Variants in TMEM41A observed in about 807,000 individuals in gnomAD.
TMEM41A encodes the protein transmembrane protein 41A.
In TMEM41A, 20 loss-of-function variants were observed where a neutral mutation model predicts 25.7. The ratio of observed to expected loss-of-function variants is 0.78; its 90% CI spans 0.55 to 1.13. The LOEUF is 1.13. TMEM41A is among the 50% of genes most tolerant of loss of function. The probability of loss-of-function intolerance (pLI) is 0.00; values close to 1 mark genes in which losing one functional copy is unlikely to be tolerated. For synonymous variants in TMEM41A, 133 were observed against 139.6 expected (o/e 0.95, Z 0.33); for missense variants, 299 against 314.3 (o/e 0.95, Z 0.37).
At chr3:185,497,565 C>T (rs1719140064) in intron 1 of TMEM41A, among the ~76,000 whole-genome samples, 1 of 152,200 alleles carries the variant, frequency 6.6e-6, no homozygotes, top group Non-Finnish European at 1.5e-5. Flanking sequence ...AGGCTTGAAT[C>T]GAACCCTTTC....
chr3:185,498,041 G>C (rs1463507584), intron 1 of TMEM41A, among the ~76,000 whole-genome samples: 1 of 151,924 alleles, frequency 6.6e-6, no homozygotes, highest in Non-Finnish European at 1.5e-5. Flanking sequence ...CGGATTACCT[G>C]AGGTCAGGAG....
Position 185,495,261 on chromosome 3 carries a change from C to T in TMEM41A, c.328G>A (p.Val110Met), listed in dbSNP as rs1313244879. The T allele has an allele frequency of 2.5e-6, 4 of 1,613,840 alleles. No homozygotes were observed. Among genetic ancestry groups the T allele is most frequent in the Non-Finnish European group, 3.4e-6 (4 of 1,180,016 alleles). Residue 110 changes from valine (V) to methionine (M), a missense_variant, in exon 3 of 5, where the codon GTG becomes ATG. Physicochemically the swap from Val to Met is conservative, Grantham distance 21 (BLOSUM62 1). Transcript: ENST00000421852. ...GPWLGLLLCC[V>M]LTSVGATCCY... is the part of the protein sequence containing the mutation. ...CATGTGGCACCCACCGAGGTCAACA[C>T]ACAGCACAGCAGAAGCCCCAGCCAT...
At chr3:185,494,825 T>C in intron 3 of TMEM41A, 64 bp from the exon 4 acceptor site, 2 of 1,519,570 alleles carry the variant, frequency 1.3e-6, no homozygotes, top group East Asian at 2.3e-5. Context: ...GAAAACCTGC[T>C]GGTGCCAGGC....
At chr3:185,498,636 C>T in intron 1 of TMEM41A, 1 of 542,700 alleles carries the variant, frequency 1.8e-6, no homozygotes, top group South Asian at 2.3e-5. Flanking sequence ...CCCAGTCAGG[C>T]CCGGAGCCGG....
At position 185,497,077 on chromosome 3, in the gene TMEM41A, A is replaced by T. The variant is rs1030808682; in HGVS notation, c.120-96T>A. Reference sequence around the variant, plus strand: ...TGTCTTCTTTTCAGAGTAGGTTTATAAATATGCCCATCATCTGATCTGCTG... The same window carrying T: ...TGTCTTCTTTTCAGAGTAGGTTTATTAATATGCCCATCATCTGATCTGCTG... On this transcript the variant is annotated intron_variant, in intron 1 of 4. Transcript: ENST00000421852. 35 of 1,412,006 alleles carry T rather than the reference A, an allele frequency of 2.5e-5. No homozygotes were observed. In the African/African-American group the frequency reaches 4.9e-4, roughly 20 times the overall value. 87.5% of individuals were successfully genotyped at this position (1,412,006 alleles called of 1,614,324 possible). A position where few individuals can be genotyped will look rare whatever the true frequency, so the allele number is the denominator to read the frequency against.
chr3:185,498,974 C>G lies in TMEM41A; in HGVS notation c.-13G>C. The G allele has an allele frequency of 6.3e-7, 1 of 1,586,434 alleles. No individual in the cohort carries two copies. Among genetic ancestry groups the G allele is most frequent in the Non-Finnish European group, 8.6e-7 (1 of 1,166,988 alleles). ...GAAGCGGGCGCATGTCGGCTCCGCA[C>G]CCCGGCCCGCGGGGCAGCCGAGAAG... On this transcript the variant is annotated 5_prime_UTR_variant, in exon 1 of 5. Transcript: ENST00000421852.
In TMEM41A at chr3:185,491,345, G is replaced by A; in HGVS notation, c.*192C>T. ...TCTGTTGCAGTGTCTGCTACACCAGGGCTGGTTTGAAAACCTGATGTAATA... is the reference window on the plus strand; with the variant it reads ...TCTGTTGCAGTGTCTGCTACACCAGAGCTGGTTTGAAAACCTGATGTAATA... On this transcript the variant is annotated 3_prime_UTR_variant, in exon 5 of 5. Coordinates refer to ENST00000421852, the MANE Select transcript of TMEM41A (RefSeq NM_080652.4). The A allele has an allele frequency of 3.7e-6, 2 of 542,570 alleles. No individual in the cohort carries two copies. The highest frequency in any genetic ancestry group is 2.2e-5 in the South Asian group (1 of 46,442). 33.6% of individuals were successfully genotyped at this position (542,570 alleles called of 1,614,324 possible). A position where few individuals can be genotyped will look rare whatever the true frequency, so the allele number is the denominator to read the frequency against.
At chr3:185,497,139 C>G (rs1213717312) in intron 1 of TMEM41A, among the ~76,000 whole-genome samples, 158 bp from the exon 2 acceptor site, 1 of 152,194 alleles carries the variant, frequency 6.6e-6, no homozygotes, top group African/African-American at 2.4e-5. Flanking sequence ...TGACCTGATA[C>G]GACGTTGCGG....
chr3:185,496,653 G>T, intron 2 of TMEM41A, 175 bp downstream of exon 2: 1 of 747,140 alleles, frequency 1.3e-6, no homozygotes, highest in East Asian at 2.7e-5. Context: ...AGCTGTCAGT[G>T]TCTCCCACTT....
Position 185,490,472 on chromosome 3 carries a change from A to G in TMEM41A, c.*1065T>C, listed in dbSNP as rs1718912755. On this transcript the variant is annotated 3_prime_UTR_variant, in exon 5 of 5. Coordinates refer to ENST00000421852, the MANE Select transcript of TMEM41A (RefSeq NM_080652.4). The stretch of plus-strand genomic sequence containing the variant: ...AGGGCCCTGCCCCATCCAGATGGGT[A>G]AGAATTTCTCCAGAACATATCCATG... 4 of 152,196 alleles carry G rather than the reference A, an allele frequency of 2.6e-5. No individual in the cohort carries two copies. In the South Asian group the frequency reaches 8.3e-4, roughly 31 times the overall value. The allele number at this position is 152,196 out of a possible 1,614,324, so 9.4% of individuals were successfully genotyped here. A position where few individuals can be genotyped will look rare whatever the true frequency, so the allele number is the denominator to read the frequency against.
intron 4 of TMEM41A, chr3:185,493,105 GAA>G (rs1235983024): frequency 3.9e-5 from 6 of 152,218 alleles, no homozygotes; most frequent in African/African-American, 1.4e-4. Flanking sequence ...AGGTTTAAGA[GAA>G]GAGATCCTTG....
rs574331560 is a variant in TMEM41A, at chr3:185,495,085, C to T, written c.435+69G>A. 2.1e-4 allele frequency: 329 copies of T among 1,566,226 alleles called. 1 individual carries two copies. The African/African-American group carries it at 4.0e-3, about 19-fold the overall frequency. ...TACTGTGGGAAATCCCTGCCACTCG[C>T]TTCTCTCAAGGCCATGCACGTAGCG... On this transcript the variant is annotated intron_variant, in intron 3 of 4. Coordinates refer to ENST00000421852, the MANE Select transcript of TMEM41A (RefSeq NM_080652.4).
chr3:185,497,731 CGA>C (rs1560148672), intron 1 of TMEM41A, among the ~76,000 whole-genome samples: 1 of 152,212 alleles, frequency 6.6e-6, no homozygotes, highest in Non-Finnish European at 1.5e-5. Flanking sequence ...CTACTTCTCA[CGA>C]GAGTTTCTCT....
In TMEM41A at chr3:185,498,981, C is replaced by T. The variant is rs1719197616; in HGVS notation, c.-20G>A. ...GCGCATGTCGGCTCCGCACCCCGGCCCGCGGGGCAGCCGAGAAGCTCACTT... is the reference window on the plus strand; with the variant it reads ...GCGCATGTCGGCTCCGCACCCCGGCTCGCGGGGCAGCCGAGAAGCTCACTT... On this transcript the variant is annotated 5_prime_UTR_variant, in exon 1 of 5. Coordinates refer to ENST00000421852, the MANE Select transcript of TMEM41A (RefSeq NM_080652.4). The T allele has an allele frequency of 6.3e-7, 1 of 1,582,706 alleles. No individual in the cohort carries two copies. The highest frequency in any genetic ancestry group is 8.6e-7 in the Non-Finnish European group (1 of 1,164,494).
At chr3:185,491,813 T>A in intron 4 of TMEM41A, 56 bp from the exon 5 acceptor site, 1 of 1,373,198 alleles carries the variant, frequency 7.3e-7, no homozygotes, top group Non-Finnish European at 1.0e-6. Context: ...ATTAAGAAAA[T>A]AATAATTCAG....
In TMEM41A at chr3:185,490,718, GAA is replaced by G. The variant is rs1469995197; in HGVS notation, c.*817_*818del. On this transcript the variant is annotated 3_prime_UTR_variant, in exon 5 of 5. Coordinates refer to ENST00000421852, the MANE Select transcript of TMEM41A (RefSeq NM_080652.4). The stretch of plus-strand genomic sequence containing the variant: ...TATGAAGAGGTAGGTCATCAGCAAA[GAA>G]GTACAAAAAAATGCTCTTCAAGAGA... 5.3e-5 allele frequency: 8 copies of G among 152,290 alleles called. No individual in the cohort carries two copies. The East Asian group carries it at 1.5e-3, about 29-fold the overall frequency. The allele number at this position is 152,290 out of a possible 1,614,324, so 9.4% of individuals were successfully genotyped here.
chr3:185,496,595 A>C, intron 2 of TMEM41A: 2 of 578,446 alleles, frequency 3.5e-6, no homozygotes, highest in Non-Finnish European at 3.1e-6. Context: ...GCCTCAGCCT[A>C]GAGGAGAGAA....
At chr3:185,498,190 G>A (rs939517542) in intron 1 of TMEM41A, among the ~76,000 whole-genome samples, 3 of 149,422 alleles carry the variant, frequency 2.0e-5, no homozygotes, top group Non-Finnish European at 4.4e-5. Context: ...GCTTGAACCC[G>A]GGAGGAGGAG....
Position 185,490,643 on chromosome 3 carries a change from G to C in TMEM41A, c.*894C>G, listed in dbSNP as rs144913611. On this transcript the variant is annotated 3_prime_UTR_variant, in exon 5 of 5. Transcript: ENST00000421852. ...GCGTGACAGAAATCATCATGTATGTGAGCAACACGTGGAAGTCCTAGGCAG... is the reference window on the plus strand; with the variant it reads ...GCGTGACAGAAATCATCATGTATGTCAGCAACACGTGGAAGTCCTAGGCAG... The C allele has an allele frequency of 7.9e-5, 12 of 152,342 alleles. No homozygotes were observed. In the East Asian group the frequency reaches 2.3e-3, roughly 29 times the overall value. 9.4% of individuals were successfully genotyped at this position (152,342 alleles called of 1,614,324 possible).
Sources: gnomAD v4.1 joint callset for allele counts (sites outside exome capture counted in the v4.1 genomes callset) on GRCh38, gnomAD v4.1.1 for gene constraint, MANE v1.5 for transcripts, NCBI Gene and HGNC (gene_info 2026-07-23, HGNC 2026-07-21) for gene names.